CAMKMT: variants seen among roughly 807,000 people sequenced by gnomAD.
CAMKMT encodes calmodulin-lysine N-methyltransferase.
A neutral mutation model predicts 48.0 loss-of-function variants in CAMKMT; 53 were observed. The ratio of observed to expected loss-of-function variants is 1.10; its 90% CI spans 0.89 to 1.39. CAMKMT has a LOEUF of 1.39. CAMKMT is among the 40% of genes most tolerant of loss of function. The probability of loss-of-function intolerance (pLI) is 0.00; values close to 1 mark genes in which losing one functional copy is unlikely to be tolerated. For missense variants in CAMKMT, 428 were observed against 402.7 expected, an observed-to-expected ratio of 1.06 and a Z score of -0.54; for synonymous variants, 165 against 152.3, an observed-to-expected ratio of 1.08 and a Z score of -0.61.
chr2:44,715,481 C>A, intron 7 of CAMKMT, 128 bp downstream of exon 7: 1 of 667,868 alleles, frequency 1.5e-6, no homozygotes. Flanking sequence ...CTGTTTTAAG[C>A]ACTTTACAAG....
At chr2:44,434,444 A>C (rs1684830415) in intron 3 of CAMKMT, among the ~76,000 whole-genome samples, 1 of 152,158 alleles carries the variant, frequency 6.6e-6, no homozygotes, top group Non-Finnish European at 1.5e-5. Context: ...TAACTCATTT[A>C]GGATATTTGG....
At chr2:44,416,729 C>T (rs541635800) in intron 3 of CAMKMT, among the ~76,000 whole-genome samples, 1 of 151,720 alleles carries the variant, frequency 6.6e-6, no homozygotes, top group African/African-American at 2.4e-5. Flanking sequence ...TGCCCACAAC[C>T]ACACCCGGCT....
At chr2:44,397,449 T>G (rs1316488068) in intron 3 of CAMKMT, among the ~76,000 whole-genome samples, 5 of 152,318 alleles carry the variant, frequency 3.3e-5, no homozygotes, top group Admixed American at 1.3e-4. Context: ...AGCATCGTAA[T>G]GTACATGTAG....
chr2:44,687,699 A>C (rs1280409410), intron 3 of CAMKMT, among the ~76,000 whole-genome samples: 1 of 152,268 alleles, frequency 6.6e-6, no homozygotes, highest in Non-Finnish European at 1.5e-5. Flanking sequence ...TTAAAATTAA[A>C]CCAGGGATTG....
intron 3 of CAMKMT, chr2:44,394,885 G>A (rs1310051088): frequency 2.2e-6 from 1 of 454,188 alleles, no homozygotes; most frequent in African/African-American, 2.0e-5. Context: ...AAAGTCAGGT[G>A]TGGAGGTATG....
chr2:44,601,331 C>A (rs776857128), intron 3 of CAMKMT, among the ~76,000 whole-genome samples: 1 of 152,010 alleles, frequency 6.6e-6, no homozygotes, highest in Non-Finnish European at 1.5e-5. Flanking sequence ...TGGTACATGC[C>A]TCTAATTCCA....
chr2:44,585,665 A>G (rs1669815651), intron 3 of CAMKMT, among the ~76,000 whole-genome samples: 1 of 152,246 alleles, frequency 6.6e-6, no homozygotes, highest in Non-Finnish European at 1.5e-5. Context: ...CTTAAACCAT[A>G]AAAGTGACAA....
intron 6 of CAMKMT, among the ~76,000 whole-genome samples, chr2:44,709,822 A>C (rs1008593190): frequency 3.3e-5 from 5 of 152,124 alleles, no homozygotes; most frequent in African/African-American, 2.4e-5. Context: ...GTGGATGTCA[A>C]CAAAAAAAGG....
At chr2:44,654,352 A>G (rs921130913) in intron 3 of CAMKMT, among the ~76,000 whole-genome samples, 1 of 152,170 alleles carries the variant, frequency 6.6e-6, no homozygotes, top group Non-Finnish European at 1.5e-5. Flanking sequence ...CTCAAATAAT[A>G]CATATTCATG....
At chr2:44,390,592 G>C (rs1229836189) in intron 3 of CAMKMT, among the ~76,000 whole-genome samples, 2 of 151,924 alleles carry the variant, frequency 1.3e-5, no homozygotes, top group East Asian at 3.9e-4. Flanking sequence ...AAGAACACTG[G>C]ACACTGAAGT....
intron 3 of CAMKMT, among the ~76,000 whole-genome samples, chr2:44,611,393 A>G (rs975602260): frequency 1.3e-5 from 2 of 151,948 alleles, no homozygotes; most frequent in Non-Finnish European, 2.9e-5. Context: ...AGATCGTGCC[A>G]TTGCACTCCA....
At chr2:44,613,327 T>G (rs1450640228) in intron 3 of CAMKMT, among the ~76,000 whole-genome samples, 1 of 152,128 alleles carries the variant, frequency 6.6e-6, no homozygotes, top group East Asian at 1.9e-4. Flanking sequence ...ATACCCCACC[T>G]CTCAGGCTCT....
In CAMKMT at chr2:44,414,705, A is replaced by G. The variant is rs527550601; in HGVS notation, c.376+24400A>G. 3.3e-5 allele frequency among the ~76,000 whole-genome samples: 5 copies of G among 152,314 alleles called. No homozygotes were observed. In the East Asian group the frequency reaches 9.7e-4, roughly 29 times the overall value. On this transcript the variant is annotated intron_variant, in intron 3 of 10. Coordinates refer to ENST00000378494, the MANE Select transcript of CAMKMT (RefSeq NM_024766.5). ...ACACAGGGTGGAAATATGAAGATGC[A>G]AAGATCATTGAGGACCATCTTGGAG... is the stretch of plus-strand genomic sequence containing the variant.
chr2:44,475,769 A>C (rs1668657329), intron 3 of CAMKMT, among the ~76,000 whole-genome samples: 1 of 152,146 alleles, frequency 6.6e-6, no homozygotes, highest in South Asian at 2.1e-4. Flanking sequence ...CTTATGCATG[A>C]TCTCATTTCA....
At chr2:44,636,328 C>T (rs574339283) in intron 3 of CAMKMT, among the ~76,000 whole-genome samples, 4 of 152,240 alleles carry the variant, frequency 2.6e-5, no homozygotes, top group African/African-American at 9.6e-5. Context: ...TGAGTTATTC[C>T]AAATCAGGAA....
chr2:44,590,311 C>T (rs1435964535), intron 3 of CAMKMT, among the ~76,000 whole-genome samples: 3 of 152,090 alleles, frequency 2.0e-5, no homozygotes, highest in African/African-American at 7.2e-5. Context: ...TCAGTTTTCT[C>T]AAAGAGTTTG....
intron 3 of CAMKMT, among the ~76,000 whole-genome samples, chr2:44,487,190 A>G (rs1319198823): frequency 1.3e-5 from 2 of 152,226 alleles, no homozygotes; most frequent in Admixed American, 1.3e-4. Flanking sequence ...CTGTTAGAAC[A>G]AACTACTTTT....
intron 3 of CAMKMT, among the ~76,000 whole-genome samples, chr2:44,556,046 C>T (rs1001487594): frequency 6.6e-6 from 1 of 152,130 alleles, no homozygotes; most frequent in African/African-American, 2.4e-5. Flanking sequence ...AAGGGGAATG[C>T]AGGGTTATAC....
chr2:44,690,585 A>G (rs552209750), intron 3 of CAMKMT, among the ~76,000 whole-genome samples: 2 of 152,302 alleles, frequency 1.3e-5, no homozygotes, highest in Non-Finnish European at 2.9e-5. Flanking sequence ...TGCATATCTT[A>G]TAGGGGTTGT....
Sources: allele counts gnomAD v4.1 joint callset (sites outside exome capture counted in the v4.1 genomes callset), GRCh38; gene constraint gnomAD v4.1.1; transcripts MANE v1.5; gene names NCBI Gene and HGNC (gene_info 2026-07-23, HGNC 2026-07-21).